The following GPHN variants were observed in gnomAD, a reference collection of about 807,000 sequenced individuals.
GPHN encodes the protein gephyrin.
In GPHN, 17 loss-of-function variants were observed where a neutral mutation model predicts 95.5. The ratio of observed to expected loss-of-function variants is 0.18; its 90% CI spans 0.12 to 0.27. The LOEUF (loss-of-function observed/expected upper bound fraction) is 0.27, where lower values mean the gene tolerates loss of function less well. Ranked by LOEUF, GPHN falls within the 10% of genes least tolerant of loss-of-function variation. The pLI, the probability that GPHN is intolerant of heterozygous loss-of-function variation, is 1.00. For missense variants in GPHN, 660 were observed against 978.1 expected (o/e 0.67, Z 4.34); for synonymous variants, 320 against 322.5 (o/e 0.99, Z 0.08).
the GPHN span, chr14:67,374,767 G>A: frequency 2.0e-5 from 7 of 358,844 alleles, no homozygotes; most frequent in Non-Finnish European, 2.5e-5. Flanking sequence ...AAAATACGGG[G>A]TTTTTTTGTT....
chr14:67,124,613 T>C (rs1421361563), intron 17 of GPHN, among the ~76,000 whole-genome samples: 1 of 152,104 alleles, frequency 6.6e-6, no homozygotes, highest in East Asian at 1.9e-4. Flanking sequence ...AACACAAAGA[T>C]AAGGCAAGCA....
At chr14:66,852,635 C>T (rs909588299) in intron 4 of GPHN, among the ~76,000 whole-genome samples, 1 of 152,108 alleles carries the variant, frequency 6.6e-6, no homozygotes, top group Non-Finnish European at 1.5e-5. Context: ...CCATAGTCAC[C>T]GGGTGATAGC....
intron 2 of GPHN, 143 bp from the exon 3 acceptor site, chr14:66,776,321 C>T: frequency 1.5e-6 from 1 of 687,092 alleles, no homozygotes; most frequent in Non-Finnish European, 2.7e-6. Context: ...AAAATATATG[C>T]ACAAAATGGT....
the GPHN span, among the ~76,000 whole-genome samples, chr14:67,250,472 A>G: frequency 6.6e-6 from 1 of 152,230 alleles, no homozygotes; most frequent in African/African-American, 2.4e-5. Context: ...TGAAAACTGT[A>G]TAAACTCCAG....
the GPHN span, among the ~76,000 whole-genome samples, chr14:67,191,145 A>C: frequency 6.6e-6 from 1 of 152,218 alleles, no homozygotes. Context: ...GAAGCATGAG[A>C]ATCACTTGAA....
At chr14:66,749,147 T>C (rs963159939) in intron 2 of GPHN, among the ~76,000 whole-genome samples, 1 of 151,980 alleles carries the variant, frequency 6.6e-6, no homozygotes, top group Non-Finnish European at 1.5e-5. Flanking sequence ...GTTAGTAATA[T>C]GTGTTTAAGT....
At chr14:66,845,760 C>T (rs1193433621) in intron 4 of GPHN, among the ~76,000 whole-genome samples, 1 of 151,852 alleles carries the variant, frequency 6.6e-6, no homozygotes. Flanking sequence ...GCTCGAACCC[C>T]AGAGATTCTG....
intron 12 of GPHN, among the ~76,000 whole-genome samples, chr14:67,090,535 A>G (rs1363330424): frequency 6.6e-6 from 1 of 152,106 alleles, no homozygotes; most frequent in Admixed American, 6.6e-5. Context: ...TCCCATCCAC[A>G]AGATATCTCA....
At chr14:67,008,538 AATTTATTT>A (rs140066998) in intron 9 of GPHN, among the ~76,000 whole-genome samples, 2 of 151,106 alleles carry the variant, frequency 1.3e-5, no homozygotes, top group African/African-American at 2.4e-5. Context: ...CTTTTTTTAA[AATTTATTT>A]ATTTATTTAT....
At chr14:66,937,384 A>AT (rs112358245) in intron 8 of GPHN, among the ~76,000 whole-genome samples, 1,715 of 141,714 alleles carry the variant, frequency 0.012, 14 homozygotes, top group African/African-American at 0.018. Flanking sequence ...AACTGGAGCA[A>AT]TTTTTTTTTT....
chr14:67,649,058 A>C, the GPHN span: 1 of 152,198 alleles, frequency 6.6e-6, no homozygotes, highest in Non-Finnish European at 1.5e-5. Flanking sequence ...TCAGATCTGC[A>C]ATCTTAGATG....
intron 11 of GPHN, among the ~76,000 whole-genome samples, chr14:67,064,951 T>C (rs2075985421): frequency 6.6e-6 from 1 of 152,212 alleles, no homozygotes; most frequent in South Asian, 2.1e-4. Flanking sequence ...GCTCTGATCT[T>C]AGTTATTTCT....
chr14:66,604,809 A>C lies in GPHN; in HGVS notation c.65-76298A>C, dbSNP rs541831991. Reference sequence around the variant, plus strand: ...AGATGATCCTGTCACCCAGGTACTGAGCATAATATCTGATAGGTAGTTTTT... The same window carrying C: ...AGATGATCCTGTCACCCAGGTACTGCGCATAATATCTGATAGGTAGTTTTT... On this transcript the variant is annotated intron_variant, in intron 1 of 22. Transcript: ENST00000478722. Among the ~76,000 whole-genome samples the C allele has an allele frequency of 3.9e-5, 6 of 152,172 alleles. No individual in the cohort carries two copies. In the East Asian group the frequency reaches 9.7e-4, roughly 25 times the overall value.
the GPHN span, among the ~76,000 whole-genome samples, chr14:67,451,844 G>A: frequency 8.5e-5 from 13 of 152,332 alleles, no homozygotes; most frequent in African/African-American, 2.9e-4. Context: ...GAAGATAGGA[G>A]ATTCGGGAGG....
At chr14:66,661,629 A>C (rs2065656371) in intron 1 of GPHN, among the ~76,000 whole-genome samples, 2 of 151,780 alleles carry the variant, frequency 1.3e-5, no homozygotes. Context: ...AGCTGCTCTA[A>C]TACAACATGG....
chr14:66,666,249 A>G (rs1243548613), intron 1 of GPHN, among the ~76,000 whole-genome samples: 2 of 150,516 alleles, frequency 1.3e-5, no homozygotes, highest in African/African-American at 4.9e-5. Context: ...TTAAAGTATA[A>G]TAAAAATATA....
intron 12 of GPHN, among the ~76,000 whole-genome samples, chr14:67,100,636 C>A (rs2077648886): frequency 6.6e-6 from 1 of 152,194 alleles, no homozygotes; most frequent in Non-Finnish European, 1.5e-5. Flanking sequence ...ACCAGTGGTA[C>A]AATTAGGACC....
At chr14:67,313,296 C>T in the GPHN span, among the ~76,000 whole-genome samples, 1 of 152,130 alleles carries the variant, frequency 6.6e-6, no homozygotes, top group Non-Finnish European at 1.5e-5. Flanking sequence ...CATCACTTAA[C>T]GACAGGGATA....
chr14:66,573,328 A>G (rs748247038), intron 1 of GPHN, among the ~76,000 whole-genome samples: 7 of 151,150 alleles, frequency 4.6e-5, no homozygotes, highest in African/African-American at 9.8e-5. Context: ...TTTGCTGTCT[A>G]TTTCTCCATC....
Sources: gnomAD v4.1 joint callset for allele counts (sites outside exome capture counted in the v4.1 genomes callset) on GRCh38, gnomAD v4.1.1 for gene constraint, MANE v1.5 for transcripts, NCBI Gene and HGNC (gene_info 2026-07-23, HGNC 2026-07-21) for gene names.